TPST1: variants seen among roughly 807,000 people sequenced by gnomAD.
TPST1 encodes the protein tyrosylprotein sulfotransferase 1.
In TPST1, 20 loss-of-function variants were observed where a neutral mutation model predicts 34.8. That is an observed-to-expected ratio of 0.57 (90% confidence interval 0.40 to 0.84). The LOEUF (loss-of-function observed/expected upper bound fraction) is 0.84. TPST1 is among the 40% of genes least tolerant of loss of function. The pLI is 0.00. For missense variants in TPST1, 353 were observed against 455.5 expected (o/e 0.78, Z 2.05); for synonymous variants, 152 against 159.4 (o/e 0.95, Z 0.35).
At chr7:66,317,349 C>G (rs1055996947) in intron 3 of TPST1, among the ~76,000 whole-genome samples, 1 of 152,134 alleles carries the variant, frequency 6.6e-6, no homozygotes, top group Non-Finnish European at 1.5e-5. Flanking sequence ...TGGCTGTATT[C>G]TGTTGCTCCT....
intron 2 of TPST1, among the ~76,000 whole-genome samples, chr7:66,259,317 T>C (rs1790439210): frequency 6.6e-6 from 1 of 152,194 alleles, no homozygotes; most frequent in African/African-American, 2.4e-5. Context: ...TTTATGGGCA[T>C]AAAGTTGTTC....
chr7:66,354,071 T>C (rs535802014), intron 4 of TPST1, among the ~76,000 whole-genome samples: 1 of 152,320 alleles, frequency 6.6e-6, no homozygotes, highest in South Asian at 2.1e-4. Flanking sequence ...GTTTACCCAG[T>C]GTCTACTATG....
chr7:66,265,684 T>G (rs1790578762), intron 2 of TPST1, among the ~76,000 whole-genome samples: 2 of 152,110 alleles, frequency 1.3e-5, no homozygotes, highest in African/African-American at 2.4e-5. Context: ...AAACCAGAGA[T>G]TCACAGCTAG....
At chr7:66,276,642 C>T (rs1178086041) in intron 2 of TPST1, among the ~76,000 whole-genome samples, 1 of 151,780 alleles carries the variant, frequency 6.6e-6, no homozygotes, top group African/African-American at 2.4e-5. Flanking sequence ...TATTTATTAA[C>T]TCTTGTCTTC....
intron 2 of TPST1, among the ~76,000 whole-genome samples, chr7:66,282,773 ACCT>A (rs1377843522): frequency 6.6e-6 from 1 of 152,134 alleles, no homozygotes; most frequent in Non-Finnish European, 1.5e-5. Flanking sequence ...CCAGACCGTG[ACCT>A]CCTTGAAGAT....
intron 3 of TPST1, among the ~76,000 whole-genome samples, chr7:66,304,126 G>A (rs944454883): frequency 2.6e-5 from 4 of 152,204 alleles, no homozygotes; most frequent in African/African-American, 9.6e-5. Flanking sequence ...CTAGAGAAGT[G>A]AAGGTCTGCA....
At chr7:66,313,685 T>G (rs993699984) in intron 3 of TPST1, among the ~76,000 whole-genome samples, 3 of 152,124 alleles carry the variant, frequency 2.0e-5, no homozygotes, top group African/African-American at 7.2e-5. Context: ...TTCATGGTGC[T>G]TTTTCTTTTT....
chr7:66,309,447 C>T (rs571490431), intron 3 of TPST1, among the ~76,000 whole-genome samples: 1 of 152,326 alleles, frequency 6.6e-6, no homozygotes, highest in South Asian at 2.1e-4. Flanking sequence ...CATTGCTACA[C>T]ACTTCCTAGG....
chr7:66,240,631 T>G lies in TPST1; in HGVS notation c.206T>G (p.Met69Arg). Residue 69 changes from methionine (M) to arginine (R), a missense_variant, in exon 2 of 6, where the codon ATG (methionine) becomes AGG (arginine). By Grantham distance (91) the Met-to-Arg change is moderately conservative. Transcript: ENST00000304842. ...ANKTFAYHKD[M>R]PLIFIGGVPR... ...AAAACCTTTGCCTATCACAAAGATATGCCTTTAATATTTATTGGAGGTGTG... is the reference window on the plus strand; with the variant it reads ...AAAACCTTTGCCTATCACAAAGATAGGCCTTTAATATTTATTGGAGGTGTG... The G allele has an allele frequency of 1.2e-6, 2 of 1,614,228 alleles. No homozygotes were observed. The highest frequency in any genetic ancestry group is 3.3e-5 in the Admixed American group (2 of 60,022).
intron 1 of TPST1, among the ~76,000 whole-genome samples, chr7:66,210,900 T>A (rs1467574364): frequency 6.6e-6 from 1 of 152,010 alleles, no homozygotes; most frequent in Non-Finnish European, 1.5e-5. Flanking sequence ...GCCCAGGAGT[T>A]TGAGGCTGCA....
chr7:66,241,977 A>G (rs182269013), intron 2 of TPST1, among the ~76,000 whole-genome samples: 3 of 152,322 alleles, frequency 2.0e-5, no homozygotes, highest in South Asian at 2.1e-4. Context: ...ACAAAAGGCT[A>G]GAGAATCTCC....
chr7:66,293,533 T>C (rs1175606929), intron 3 of TPST1, among the ~76,000 whole-genome samples: 1 of 152,102 alleles, frequency 6.6e-6, no homozygotes, highest in Non-Finnish European at 1.5e-5. Context: ...AGAAAAATTA[T>C]ATTTGTAGAA....
intron 2 of TPST1, among the ~76,000 whole-genome samples, chr7:66,252,843 A>G (rs1190659588): frequency 1.3e-5 from 2 of 152,206 alleles, no homozygotes; most frequent in African/African-American, 2.4e-5. Context: ...AACTTAAAAC[A>G]AATTTCTTTT....
At chr7:66,277,124 A>T (rs372381221) in intron 2 of TPST1, among the ~76,000 whole-genome samples, 8 of 152,084 alleles carry the variant, frequency 5.3e-5, no homozygotes, top group South Asian at 4.1e-4. Context: ...AATTAGCCCA[A>T]TTCTGATTCT....
At chr7:66,212,083 A>G (rs1412500857) in intron 1 of TPST1, among the ~76,000 whole-genome samples, 1 of 152,230 alleles carries the variant, frequency 6.6e-6, no homozygotes, top group African/African-American at 2.4e-5. Flanking sequence ...GACAGTTACT[A>G]CAGAGGTTTA....
chr7:66,293,849 T>G (rs559314800), intron 3 of TPST1, among the ~76,000 whole-genome samples: 48 of 152,284 alleles, frequency 3.2e-4, no homozygotes, highest in Non-Finnish European at 5.3e-4. Flanking sequence ...GCCTTCTGAT[T>G]AAGAGAAAGT....
chr7:66,330,459 A>G (rs192723410), intron 3 of TPST1, among the ~76,000 whole-genome samples: 26 of 152,298 alleles, frequency 1.7e-4, no homozygotes, highest in Admixed American at 3.3e-4. Flanking sequence ...CTGTCCTCTT[A>G]CATCTTATTG....
intron 2 of TPST1, among the ~76,000 whole-genome samples, chr7:66,255,327 A>G (rs1790363515): frequency 6.6e-6 from 1 of 152,108 alleles, no homozygotes; most frequent in Admixed American, 6.5e-5. Flanking sequence ...GACAGCTACT[A>G]CAACAAAGAA....
intron 3 of TPST1, among the ~76,000 whole-genome samples, chr7:66,339,754 T>A (rs1406651183): frequency 6.8e-6 from 1 of 147,960 alleles, no homozygotes; most frequent in African/African-American, 2.5e-5. Context: ...ATTACCTGAG[T>A]GATGAAATAA....
Sources: allele counts gnomAD v4.1 joint callset (sites outside exome capture counted in the v4.1 genomes callset), GRCh38; gene constraint gnomAD v4.1.1; transcripts MANE v1.5; gene names NCBI Gene and HGNC (gene_info 2026-07-23, HGNC 2026-07-21).